UBE2E2: variants seen among roughly 807,000 people sequenced by gnomAD.
UBE2E2 encodes the protein ubiquitin-conjugating enzyme E2 E2.
UBE2E2 carries 6 observed loss-of-function variants against 24.7 expected under a neutral mutation model. The observed-to-expected ratio is 0.24, with a 90% CI of 0.13 to 0.48. The LOEUF (loss-of-function observed/expected upper bound fraction) is 0.48. Ranked by LOEUF, UBE2E2 falls within the 20% of genes least tolerant of loss-of-function variation. The pLI is 0.99. For synonymous variants in UBE2E2, 104 were observed against 83.6 expected, an observed-to-expected ratio of 1.24 and a Z score of -1.33; for missense variants, 169 against 245.0, an observed-to-expected ratio of 0.69 and a Z score of 2.07.
chr3:23,248,831 C>T (rs1697493025), intron 3 of UBE2E2, among the ~76,000 whole-genome samples: 1 of 152,196 alleles, frequency 6.6e-6, no homozygotes, highest in Non-Finnish European at 1.5e-5. Flanking sequence ...ATCTGTTATT[C>T]AGCCGAATGA....
At chr3:23,441,105 A>G (rs1194329310) in intron 3 of UBE2E2, among the ~76,000 whole-genome samples, 1 of 152,190 alleles carries the variant, frequency 6.6e-6, no homozygotes, top group East Asian at 1.9e-4. Flanking sequence ...GCAAACCACT[A>G]AAATCATTTG....
At chr3:23,337,707 A>G (rs1248633833) in intron 3 of UBE2E2, among the ~76,000 whole-genome samples, 1 of 152,222 alleles carries the variant, frequency 6.6e-6, no homozygotes. Flanking sequence ...GAACTGGAGT[A>G]TGAAAGAAGA....
intron 3 of UBE2E2, among the ~76,000 whole-genome samples, chr3:23,427,652 C>A (rs963281258): frequency 6.6e-6 from 1 of 152,112 alleles, no homozygotes; most frequent in Non-Finnish European, 1.5e-5. Context: ...CAAGACTCAA[C>A]TTTATGTTGT....
intron 3 of UBE2E2, among the ~76,000 whole-genome samples, chr3:23,300,559 A>C (rs1409456734): frequency 6.6e-6 from 1 of 152,196 alleles, no homozygotes; most frequent in Non-Finnish European, 1.5e-5. Context: ...GTTTGGCTGG[A>C]TATGAAATTA....
At position 23,474,532 on chromosome 3, in the gene UBE2E2, T is replaced by C. The variant is rs528014035; in HGVS notation, c.228-25076T>C. The stretch of plus-strand genomic sequence containing the variant: ...TATAATGTATAATTTTGGAATTTAT[T>C]GTTGAAGGGGGCTTTGGTGATATCT... On this transcript the variant is annotated intron_variant, in intron 3 of 5. Coordinates refer to ENST00000396703, the MANE Select transcript of UBE2E2 (RefSeq NM_152653.4). This position sits in a 1 kb window ranked among gnomAD's most constrained non-coding sequence, Gnocchi z 4.0. Among the ~76,000 whole-genome samples, 3 of 152,262 alleles carry C rather than the reference T, an allele frequency of 2.0e-5. 1 individual carries two copies. The highest frequency in any genetic ancestry group is 7.2e-5 in the African/African-American group (3 of 41,492).
intron 5 of UBE2E2, among the ~76,000 whole-genome samples, chr3:23,587,853 A>G (rs1182292352): frequency 2.6e-5 from 4 of 152,252 alleles, no homozygotes; most frequent in African/African-American, 9.6e-5. Flanking sequence ...CACAAAGAGT[A>G]GGCAGAGAGG....
At chr3:23,586,560 A>G (rs1032274130) in intron 5 of UBE2E2, among the ~76,000 whole-genome samples, 2 of 152,180 alleles carry the variant, frequency 1.3e-5, no homozygotes, top group African/African-American at 4.8e-5. Flanking sequence ...AGACTCCCAA[A>G]GTGCTGGGAT....
chr3:23,343,432 T>A (rs1012008786), intron 3 of UBE2E2, among the ~76,000 whole-genome samples: 19 of 152,094 alleles, frequency 1.2e-4, no homozygotes, highest in African/African-American at 4.6e-4. Flanking sequence ...AAAAATTAGC[T>A]GGGTGTCGTG....
At chr3:23,488,713 C>T (rs895727893) in intron 3 of UBE2E2, among the ~76,000 whole-genome samples, 1 of 152,146 alleles carries the variant, frequency 6.6e-6, no homozygotes. Context: ...ACCCTCTTGT[C>T]AGAAGCTTGT....
chr3:23,271,023 T>G (rs750819092), intron 3 of UBE2E2: 1 of 456,740 alleles, frequency 2.2e-6, no homozygotes, highest in South Asian at 1.5e-5. Context: ...TTCATCTTAC[T>G]TCTATTCATT....
At chr3:23,335,725 G>T (rs535542554) in intron 3 of UBE2E2, among the ~76,000 whole-genome samples, 2 of 152,024 alleles carry the variant, frequency 1.3e-5, no homozygotes, top group South Asian at 4.2e-4. Flanking sequence ...GTAGAGATGG[G>T]GTCTCACTGT....
intron 5 of UBE2E2, among the ~76,000 whole-genome samples, chr3:23,548,541 TTC>T (rs1695572489): frequency 6.6e-6 from 1 of 152,208 alleles, no homozygotes; most frequent in Non-Finnish European, 1.5e-5. Context: ...ACTTACTTAC[TTC>T]TTTAAGACAG....
At chr3:23,352,565 C>T (rs560780620) in intron 3 of UBE2E2, among the ~76,000 whole-genome samples, 1 of 152,196 alleles carries the variant, frequency 6.6e-6, no homozygotes, top group African/African-American at 2.4e-5. Flanking sequence ...ACCACCAATC[C>T]CACAGAAATG....
chr3:23,250,896 C>T lies in UBE2E2; in HGVS notation c.227+33584C>T, dbSNP rs549557076. Reference sequence around the variant, plus strand: ...TATTGGAGACAGAGTCGCACTCTGTCGCCCAGGCTGGCATGCACTAGCACC... The same window carrying T: ...TATTGGAGACAGAGTCGCACTCTGTTGCCCAGGCTGGCATGCACTAGCACC... On this transcript the variant is annotated intron_variant, in intron 3 of 5. Coordinates refer to ENST00000396703, the MANE Select transcript of UBE2E2 (RefSeq NM_152653.4). Among the ~76,000 whole-genome samples, 13 of 152,266 alleles carry T rather than the reference C, an allele frequency of 8.5e-5. No homozygotes were observed. The South Asian group carries it at 1.7e-3, about 19-fold the overall frequency.
Position 23,401,333 on chromosome 3 carries a change from A to T in UBE2E2, c.228-98275A>T, listed in dbSNP as rs538161870. Among the ~76,000 whole-genome samples the T allele has an allele frequency of 8.5e-5, 13 of 152,346 alleles. No homozygotes were observed. The South Asian group carries it at 2.7e-3, about 32-fold the overall frequency. On this transcript the variant is annotated intron_variant, in intron 3 of 5. Coordinates refer to ENST00000396703, the MANE Select transcript of UBE2E2 (RefSeq NM_152653.4). ...AGAAAACAAGAATAATGTAGCAGCTACTGGTTATTGACTCACTTTATGCCA... is the reference window on the plus strand; with the variant it reads ...AGAAAACAAGAATAATGTAGCAGCTTCTGGTTATTGACTCACTTTATGCCA...
chr3:23,223,512 T>TTATA (rs1359943531), intron 3 of UBE2E2, among the ~76,000 whole-genome samples: 1 of 151,784 alleles, frequency 6.6e-6, no homozygotes, highest in African/African-American at 2.4e-5. Flanking sequence ...TTAAATTGGA[T>TTATA]TATATATATA....
At position 23,340,080 on chromosome 3, in the gene UBE2E2, A is replaced by G. The variant is rs1695338520; in HGVS notation, c.227+122768A>G. ...AGCCTAGAAGCTTAACTGTTTTGCC[A>G]GGACCTACGTAGTTAACCTATATTG... On this transcript the variant is annotated intron_variant, in intron 3 of 5. Transcript: ENST00000396703. Among the ~76,000 whole-genome samples the G allele has an allele frequency of 3.3e-5, 5 of 152,136 alleles. No individual in the cohort carries two copies. In the South Asian group the frequency reaches 8.3e-4, roughly 25 times the overall value.
chr3:23,382,082 T>C (rs1011834617), intron 3 of UBE2E2, among the ~76,000 whole-genome samples: 4 of 152,204 alleles, frequency 2.6e-5, no homozygotes, highest in African/African-American at 9.6e-5. Flanking sequence ...ATTTTACTTA[T>C]GATTGTCAGT....
intron 3 of UBE2E2, among the ~76,000 whole-genome samples, chr3:23,311,307 G>T (rs551675587): frequency 6.6e-5 from 10 of 152,102 alleles, no homozygotes; most frequent in African/African-American, 2.2e-4. Context: ...GAATAGTGCC[G>T]CAATAAACAT....
Sources: allele counts gnomAD v4.1 joint callset (sites outside exome capture counted in the v4.1 genomes callset), GRCh38; gene constraint gnomAD v4.1.1; non-coding constraint Gnocchi (gnomAD v3.1); transcripts MANE v1.5; gene names NCBI Gene and HGNC (gene_info 2026-07-23, HGNC 2026-07-21).